The following PHKA1 variants were observed in gnomAD, a reference collection of about 807,000 sequenced individuals.
The protein encoded by PHKA1 is phosphorylase kinase regulatory subunit alpha 1.
A neutral mutation model predicts 110.2 loss-of-function variants in PHKA1; 60 were observed. The observed-to-expected ratio is 0.54, with a 90% confidence interval of 0.44 to 0.68. The LOEUF is 0.68. Ranked by LOEUF, PHKA1 falls within the 30% of genes least tolerant of loss-of-function variation. The pLI is 0.00. For synonymous variants in PHKA1, 316 were observed against 333.6 expected, an observed-to-expected ratio of 0.95 and a Z score of 0.58; for missense variants, 801 against 942.5, an observed-to-expected ratio of 0.85 and a Z score of 1.97.
chrX:72,640,787 G>A (rs1226040775), intron 14 of PHKA1, among the ~76,000 whole-genome samples: 1 of 111,549 alleles, frequency 9.0e-6, no homozygotes, highest in Non-Finnish European at 1.9e-5. Flanking sequence ...AGAATTAGGA[G>A]ATAAATTCAT....
At chrX:72,602,331 C>T (rs1416661562) in intron 26 of PHKA1, 58 bp from the exon 27 acceptor site, 15 of 716,151 alleles carry the variant, frequency 2.1e-5, no homozygotes, top group Non-Finnish European at 3.1e-5. Context: ...CAATTTCTTC[C>T]CCATCACATT....
At chrX:72,614,044 T>C (rs2052853186) in intron 21 of PHKA1, among the ~76,000 whole-genome samples, 1 of 111,902 alleles carries the variant, frequency 8.9e-6, no homozygotes, top group South Asian at 3.8e-4. Flanking sequence ...ATAAAGACAC[T>C]ATTGGGCTAT....
intron 12 of PHKA1, among the ~76,000 whole-genome samples, chrX:72,652,325 G>A (rs1298969291): frequency 9.0e-6 from 1 of 111,357 alleles, no homozygotes; most frequent in African/African-American, 3.3e-5. Context: ...CCAAAGTAGG[G>A]AGCCCCGGGC....
intron 29 of PHKA1, among the ~76,000 whole-genome samples, chrX:72,587,471 G>A (rs2052450158): frequency 8.9e-6 from 1 of 111,779 alleles, no homozygotes; most frequent in Non-Finnish European, 1.9e-5. Flanking sequence ...ACCAGCCACT[G>A]CAAAAACATG....
intron 26 of PHKA1, 33 bp from the exon 27 acceptor site, chrX:72,602,306 G>C (rs2052668016): frequency 4.5e-6 from 4 of 898,470 alleles, no homozygotes; most frequent in Non-Finnish European, 6.5e-6. Flanking sequence ...GAGAAAGAGA[G>C]AGGATAATAA....
chrX:72,689,504 C>A (rs2054007912), intron 4 of PHKA1, among the ~76,000 whole-genome samples: 1 of 111,572 alleles, frequency 9.0e-6, no homozygotes, highest in Non-Finnish European at 1.9e-5. Flanking sequence ...ACCTGTAATT[C>A]ATTTTTTATT....
chrX:72,670,982 C>G (rs1603267606), intron 6 of PHKA1, among the ~76,000 whole-genome samples: 1 of 111,797 alleles, frequency 8.9e-6, no homozygotes, highest in East Asian at 2.8e-4. Context: ...CAGTATCATA[C>G]TGAATGGGCA....
intron 18 of PHKA1, chrX:72,622,506 T>C: frequency 2.7e-6 from 2 of 753,962 alleles, no homozygotes; most frequent in Non-Finnish European, 3.1e-6. Flanking sequence ...CACTGTAGGG[T>C]AGTGTTGCTC....
At chrX:72,607,746 C>T (rs2052750758) in intron 23 of PHKA1, among the ~76,000 whole-genome samples, 1 of 111,756 alleles carries the variant, frequency 8.9e-6, no homozygotes, top group Non-Finnish European at 1.9e-5. Context: ...ATTTCTCATG[C>T]AGTTTTAAGA....
chrX:72,622,160 A>C (rs2147710365), intron 18 of PHKA1: 1 of 754,125 alleles, frequency 1.3e-6, no homozygotes, highest in East Asian at 1.5e-4. Context: ...TTACAAAAAC[A>C]AACACAGAAT....
chrX:72,714,184 A>C lies in PHKA1; in HGVS notation c.-304T>G. The C allele has an allele frequency of 6.8e-6, 2 of 293,751 alleles. No individual in the cohort carries two copies. The highest frequency in any genetic ancestry group is 6.1e-6 in the Non-Finnish European group (1 of 164,561). 24.2% of individuals were successfully genotyped at this position (293,751 alleles called of 1,213,427 possible). A position where few individuals can be genotyped will look rare whatever the true frequency, so the allele number is the denominator to read the frequency against. On this transcript the variant is annotated 5_prime_UTR_variant, in exon 1 of 32. Transcript: ENST00000373542. Reference sequence around the variant, plus strand: ...TAGTCCAGTCCGGCCTCCGCGTGTGACTCCTGCATCCTCCCCTCAACCCCG... The same window carrying C: ...TAGTCCAGTCCGGCCTCCGCGTGTGCCTCCTGCATCCTCCCCTCAACCCCG...
rs7060652 is a variant in PHKA1 at position 72,628,021 on chromosome X, G to A, written c.1715-972C>T. ...TTTTTTGTTTTTTTTAGTAGAGACG[G>A]GGTTTCACTGTGTTAGCCAGGATGG... On this transcript the variant is annotated intron_variant, in intron 16 of 31. Transcript: ENST00000373542. 8.1e-3 allele frequency among the ~76,000 whole-genome samples: 886 copies of A among 108,881 alleles called. 15 individuals carry two copies. The highest frequency in any genetic ancestry group is 0.028 in the African/African-American group (844 of 29,900). 94.6% of individuals were successfully genotyped at this position (108,881 alleles called of 115,157 possible).
intron 2 of PHKA1, among the ~76,000 whole-genome samples, chrX:72,710,871 A>AT (rs1407523218): frequency 9.7e-5 from 7 of 72,164 alleles, no homozygotes; most frequent in Non-Finnish European, 1.4e-4. Flanking sequence ...TTTATTTTTT[A>AT]TTTTTTTTGA....
intron 29 of PHKA1, among the ~76,000 whole-genome samples, chrX:72,591,793 T>C (rs1207899001): frequency 2.7e-5 from 3 of 112,443 alleles, no homozygotes; most frequent in East Asian, 5.6e-4. Context: ...GCATGTTGTA[T>C]ATGAGAGATA....
chrX:72,592,366 T>G (rs2052533387), intron 29 of PHKA1, among the ~76,000 whole-genome samples: 2 of 112,397 alleles, frequency 1.8e-5, no homozygotes, highest in Non-Finnish European at 3.8e-5. Context: ...AAGTCCTGGA[T>G]GAAGTGATCT....
At chrX:72,701,316 G>A (rs983425451) in intron 3 of PHKA1, among the ~76,000 whole-genome samples, 2 of 111,996 alleles carry the variant, frequency 1.8e-5, no homozygotes, top group Non-Finnish European at 1.9e-5. Flanking sequence ...GTCACTTTCC[G>A]ACAGGCACAG....
At chrX:72,673,887 A>G (rs1320583887) in intron 6 of PHKA1, among the ~76,000 whole-genome samples, 2 of 108,383 alleles carry the variant, frequency 1.8e-5, no homozygotes, top group Non-Finnish European at 3.8e-5. Context: ...CATGTGCCAT[A>G]TTGGTGTGCT....
chrX:72,587,398 C>A (rs1556215547), intron 29 of PHKA1, among the ~76,000 whole-genome samples: 1 of 111,555 alleles, frequency 9.0e-6, no homozygotes, highest in Non-Finnish European at 1.9e-5. Context: ...GATTCTGTCA[C>A]CACCAGGCCT....
At chrX:72,608,331 C>T (rs1024712852) in intron 23 of PHKA1, among the ~76,000 whole-genome samples, 4 of 111,095 alleles carry the variant, frequency 3.6e-5, no homozygotes, top group Non-Finnish European at 7.6e-5. Context: ...TTTACTATTT[C>T]CTCTCCTCTC....
Sources: allele counts gnomAD v4.1 joint callset (sites outside exome capture counted in the v4.1 genomes callset), GRCh38; gene constraint gnomAD v4.1.1; transcripts MANE v1.5; gene names NCBI Gene and HGNC (gene_info 2026-07-23, HGNC 2026-07-21).